CPAP: variants seen among roughly 807,000 people sequenced by gnomAD.
CPAP encodes the protein centrosome assembly and centriole elongation protein.
chr13:24,921,991 T>C, the CPAP span, among the ~76,000 whole-genome samples: 333 of 152,326 alleles, frequency 2.2e-3, no homozygotes, highest in Non-Finnish European at 4.0e-3. Context: ...TATGCCGAGA[T>C]AGGATTAGTA....
At chr13:24,892,984 G>T in the CPAP span, 1 of 781,868 alleles carries the variant, frequency 1.3e-6, no homozygotes, top group Non-Finnish European at 2.1e-6. Flanking sequence ...GGAAGGCTTA[G>T]TCAACAGACG....
chr13:24,915,150 A>C, the CPAP span, among the ~76,000 whole-genome samples: 1 of 152,072 alleles, frequency 6.6e-6, no homozygotes, highest in African/African-American at 2.4e-5. Flanking sequence ...AAACTATACA[A>C]TCTACTGCCC....
At chr13:24,893,856 T>G in the CPAP span, among the ~76,000 whole-genome samples, 1 of 152,164 alleles carries the variant, frequency 6.6e-6, no homozygotes, top group Non-Finnish European at 1.5e-5. Flanking sequence ...CACAGGCCCT[T>G]ATTATACTAA....
chr13:24,930,130 C>T, the CPAP span, among the ~76,000 whole-genome samples: 1 of 151,912 alleles, frequency 6.6e-6, no homozygotes, highest in African/African-American at 2.4e-5. Flanking sequence ...AAGGCAAACT[C>T]TTAGCCTCAA....
the CPAP span, among the ~76,000 whole-genome samples, chr13:24,910,936 C>A: frequency 6.6e-6 from 1 of 152,194 alleles, no homozygotes; most frequent in Non-Finnish European, 1.5e-5. Context: ...CACCTGACCC[C>A]TGCACCCAGC....
the CPAP span, chr13:24,885,853 G>T: frequency 6.7e-6 from 4 of 595,920 alleles, no homozygotes; most frequent in South Asian, 4.1e-5. Context: ...AGTCCTAGAT[G>T]TCCAAGAAAG....
chr13:24,914,136 T>C, the CPAP span, among the ~76,000 whole-genome samples: 1 of 152,134 alleles, frequency 6.6e-6, no homozygotes, highest in South Asian at 2.1e-4. Context: ...AAGGAGGTTG[T>C]AACTTTAGAC....
chr13:24,911,037 T>C, the CPAP span, among the ~76,000 whole-genome samples: 1 of 152,160 alleles, frequency 6.6e-6, no homozygotes. Context: ...GTCAGTAAAG[T>C]ATATTTCTTA....
At chr13:24,919,561 T>C in the CPAP span, among the ~76,000 whole-genome samples, 1 of 150,824 alleles carries the variant, frequency 6.6e-6, no homozygotes, top group Admixed American at 6.6e-5. Context: ...GCCAGGACCA[T>C]AGGCATATAC....
the CPAP span, among the ~76,000 whole-genome samples, chr13:24,929,082 T>G: frequency 1.3e-5 from 2 of 152,236 alleles, no homozygotes; most frequent in Non-Finnish European, 2.9e-5. Context: ...ACACATTTTT[T>G]TTAGATGGGG....
chr13:24,926,341 C>T, the CPAP span, among the ~76,000 whole-genome samples: 5 of 152,066 alleles, frequency 3.3e-5, no homozygotes, highest in Non-Finnish European at 5.9e-5. Flanking sequence ...GCCTGGGTCT[C>T]GGAGGCTCAG....
the CPAP span, among the ~76,000 whole-genome samples, chr13:24,888,032 C>T: frequency 6.6e-6 from 1 of 152,088 alleles, no homozygotes; most frequent in Non-Finnish European, 1.5e-5. Flanking sequence ...GTGGTGGTAA[C>T]CCGAGTATTT....
At chr13:24,902,584 G>T in the CPAP span, among the ~76,000 whole-genome samples, 2,535 of 152,260 alleles carry the variant, frequency 0.017, 73 homozygotes, top group African/African-American at 0.058. Flanking sequence ...CTGGAACTTA[G>T]GGGCCAGATG....
At chr13:24,899,346 A>T in the CPAP span, 3 of 1,231,744 alleles carry the variant, frequency 2.4e-6, no homozygotes, top group Admixed American at 5.4e-5. Flanking sequence ...TGACATAAGA[A>T]ATAACTCTGA....
the CPAP span, among the ~76,000 whole-genome samples, chr13:24,930,228 A>G: frequency 1.3e-5 from 2 of 151,578 alleles, no homozygotes; most frequent in African/African-American, 4.8e-5. Flanking sequence ...TAACTATACA[A>G]TTTTTTTGGT....
chr13:24,885,207 A>T, the CPAP span: 1 of 1,045,530 alleles, frequency 9.6e-7, no homozygotes, highest in Non-Finnish European at 1.5e-6. Context: ...TTTAGATTCT[A>T]TGTGTTTCAA....
At chr13:24,885,846 C>T in the CPAP span, 1 of 605,130 alleles carries the variant, frequency 1.7e-6, no homozygotes, top group Non-Finnish European at 3.0e-6. Flanking sequence ...GTACTTAAGT[C>T]CTAGATGTCC....
chr13:24,892,141 C>T, the CPAP span, among the ~76,000 whole-genome samples: 1 of 152,174 alleles, frequency 6.6e-6, no homozygotes, highest in Non-Finnish European at 1.5e-5. Context: ...CCCCAAGCAC[C>T]TAATGCAGTG....
the CPAP span, among the ~76,000 whole-genome samples, chr13:24,895,228 G>C: frequency 6.6e-6 from 1 of 152,252 alleles, no homozygotes; most frequent in African/African-American, 2.4e-5. Flanking sequence ...AGCAGCCCCG[G>C]AGGAGCCCGG....
Sources: allele counts gnomAD v4.1 joint callset (sites outside exome capture counted in the v4.1 genomes callset), GRCh38; gene constraint gnomAD v4.1.1; transcripts MANE v1.5; gene names NCBI Gene and HGNC (gene_info 2026-07-23, HGNC 2026-07-21).